CCDC63: variants seen among roughly 807,000 people sequenced by gnomAD.
CCDC63 encodes the protein coiled-coil domain containing 63.
CCDC63 carries 54 observed loss-of-function variants against 63.6 expected under a neutral mutation model. That is an observed-to-expected ratio of 0.85 (90% CI 0.68 to 1.07). The LOEUF is 1.07. Among genes scored for constraint, CCDC63 ranks in the 50% least tolerant of loss-of-function variants. The probability of loss-of-function intolerance (pLI) is 0.00; values close to 1 mark genes in which losing one functional copy is unlikely to be tolerated. For synonymous variants in CCDC63, 253 were observed against 266.1 expected (o/e 0.95, Z 0.48); for missense variants, 637 against 689.6 (o/e 0.92, Z 0.86).
chr12:110,868,853 A>C (rs958757594), intron 4 of CCDC63, among the ~76,000 whole-genome samples: 2 of 151,686 alleles, frequency 1.3e-5, no homozygotes, highest in Non-Finnish European at 2.9e-5. Flanking sequence ...ATTTTTTCTT[A>C]ACTGATAACA....
At chr12:110,885,870 T>A (rs2071272611) in intron 8 of CCDC63, among the ~76,000 whole-genome samples, 2 of 152,220 alleles carry the variant, frequency 1.3e-5, no homozygotes, top group African/African-American at 4.8e-5. Flanking sequence ...TTACTAGTGA[T>A]GAATTAATTT....
At chr12:110,854,746 A>G (rs1045027197) in intron 3 of CCDC63, among the ~76,000 whole-genome samples, 2 of 152,240 alleles carry the variant, frequency 1.3e-5, no homozygotes, top group African/African-American at 2.4e-5. Context: ...ATTGTTAGAA[A>G]GGAAATCTTA....
intron 8 of CCDC63, among the ~76,000 whole-genome samples, chr12:110,886,184 C>T (rs567466026): frequency 1.7e-4 from 26 of 152,144 alleles, no homozygotes; most frequent in African/African-American, 5.5e-4. Context: ...CTCAGGAGTT[C>T]GAGACCAGCC....
chr12:110,868,538 C>T (rs908811844), intron 4 of CCDC63, among the ~76,000 whole-genome samples: 169 of 150,932 alleles, frequency 1.1e-3, no homozygotes, highest in African/African-American at 3.7e-3. Context: ...GAGACCGGCC[C>T]GGCCAACACA....
In CCDC63 at chr12:110,879,973, G is replaced by A. The variant is rs771937207; in HGVS notation, c.557G>A (p.Arg186Gln). The A allele has an allele frequency of 8.7e-6, 14 of 1,614,060 alleles. No homozygotes were observed. Among genetic ancestry groups the A allele is most frequent in the Middle Eastern group, 1.6e-4 (1 of 6,084 alleles). Residue 186 changes from arginine to glutamine, a missense_variant, in exon 6 of 12, where the codon CGA becomes CAA. Transcript: ENST00000308208. Reference protein sequence around the residue: ...AKLRKEIEDLRFEKAAYDNVY... With the variant: ...AKLRKEIEDLQFEKAAYDNVY... The stretch of plus-strand genomic sequence containing the variant: ...CTCCGGAAGGAGATTGAAGACCTAC[G>A]ATTTGAGAAGGCTGCTTATGACAAT...
intron 5 of CCDC63, 84 bp from the exon 6 acceptor site, chr12:110,879,822 C>T (rs1566128576): frequency 1.5e-6 from 2 of 1,367,232 alleles, no homozygotes; most frequent in Admixed American, 3.6e-5. Flanking sequence ...GGGGCAAAGA[C>T]CTGACAGCCT....
At chr12:110,880,713 G>GGCA in intron 6 of CCDC63, among the ~76,000 whole-genome samples, 1 of 48,394 alleles carries the variant, frequency 2.1e-5, no homozygotes, top group Non-Finnish European at 4.5e-5. Context: ...ATATGGTGAT[G>GGCA]GTGATGATGG....
At position 110,852,846 on chromosome 12, in the gene CCDC63, C is replaced by T; in HGVS notation, c.-96-13C>T. 6.4e-7 allele frequency: 1 copy of T among 1,574,166 alleles called. No homozygotes were observed. The highest frequency in any genetic ancestry group is 8.7e-7 in the Non-Finnish European group (1 of 1,144,490). ...TGGCTTACAAGTTCTCTTCCTTTTG[C>T]CACCATGAACAGGGCATTGCAGAGA... On this transcript the variant is annotated splice_polypyrimidine_tract_variant and intron_variant, in intron 1 of 11. Coordinates refer to ENST00000308208, the MANE Select transcript of CCDC63 (RefSeq NM_152591.3).
chr12:110,873,962 G>A lies in CCDC63; in HGVS notation c.489+1G>A, dbSNP rs372717046. The A allele has an allele frequency of 3.9e-5, 63 of 1,609,742 alleles. 1 individual carries two copies. The highest frequency in any genetic ancestry group is 8.1e-5 in the African/African-American group (6 of 74,046). ...CATTTTGGAAACCCGTTTGAATCTC[G>A]TATGTAAAGTGTTCTCTGCAGCTCT... is the stretch of plus-strand genomic sequence containing the variant. On this transcript the variant is annotated splice_donor_variant, in intron 5 of 11. Transcript: ENST00000308208. LOFTEE classifies it high-confidence loss of function.
intron 9 of CCDC63, among the ~76,000 whole-genome samples, chr12:110,895,813 T>C (rs2071409851): frequency 6.6e-6 from 1 of 152,234 alleles, no homozygotes. Flanking sequence ...GTTGTTGTTA[T>C]CATGTGAGCC....
chr12:110,851,950 C>T (rs927691131), intron 1 of CCDC63, among the ~76,000 whole-genome samples: 2 of 152,164 alleles, frequency 1.3e-5, no homozygotes, highest in Admixed American at 6.5e-5. Context: ...ATGATTGGCA[C>T]AACCAATGCT....
At chr12:110,844,713 G>A (rs1200127111), upstream of CCDC63, among the ~76,000 whole-genome samples, 2 of 152,204 alleles carry the variant, frequency 1.3e-5, no homozygotes, top group Non-Finnish European at 2.9e-5. Flanking sequence ...TACCTTGGAG[G>A]TGTGTGTAAA....
In CCDC63 at chr12:110,887,377, C is replaced by T. The variant is rs577294755; in HGVS notation, c.1074+3127C>T. Among the ~76,000 whole-genome samples, 3 of 152,108 alleles carry T rather than the reference C, an allele frequency of 2.0e-5. No individual in the cohort carries two copies. In the South Asian group the frequency reaches 6.2e-4, roughly 32 times the overall value. ...CTGAACTCAGGTGATCCGCCTGCCT[C>T]GGCCTCCCAAAGTGTTGGGATTACA... On this transcript the variant is annotated intron_variant, in intron 8 of 11. Transcript: ENST00000308208.
rs750885789 is a variant in CCDC63 at position 110,899,145 on chromosome 12, G to T, written c.1342+20G>T. ...ATTTTGGTGAGTCAAGCTGGGGCCC[G>T]TTGGAGTCTTAGGAAACATTTCCAG... On this transcript the variant is annotated intron_variant, in intron 10 of 11. Coordinates refer to ENST00000308208, the MANE Select transcript of CCDC63 (RefSeq NM_152591.3). 3 of 1,595,760 alleles carry T rather than the reference G, an allele frequency of 1.9e-6. No homozygotes were observed. Among genetic ancestry groups the T allele is most frequent in the Non-Finnish European group, 1.7e-6 (2 of 1,169,940 alleles).
In CCDC63 at chr12:110,889,108, A is replaced by G. The variant is rs2071325502; in HGVS notation, c.1075-3968A>G. Among the ~76,000 whole-genome samples the G allele has an allele frequency of 6.6e-6, 1 of 152,084 alleles. No homozygotes were observed. The highest frequency in any genetic ancestry group is 1.5e-5 in the Non-Finnish European group (1 of 68,008). On this transcript the variant is annotated intron_variant, in intron 8 of 11. Coordinates refer to ENST00000308208, the MANE Select transcript of CCDC63 (RefSeq NM_152591.3). The surrounding 1 kb of genome is among the most constrained non-coding windows in gnomAD (Gnocchi z 4.1). ...GCTGGTGTCAATGGTTGTGCTTTTC[A>G]AATGTAACATAGTTATTATCATATA... is the stretch of plus-strand genomic sequence containing the variant.
In CCDC63 at chr12:110,881,277, G is replaced by A; in HGVS notation, c.834G>A (p.Glu278=). 1 of 1,613,538 alleles carries A rather than the reference G, an allele frequency of 6.2e-7. No individual in the cohort carries two copies. The highest frequency in any genetic ancestry group is 8.5e-7 in the Non-Finnish European group (1 of 1,179,750). Residue 278 remains glutamate (E), a synonymous_variant, in exon 7 of 12, where the codon GAG becomes GAA. Coordinates refer to ENST00000308208, the MANE Select transcript of CCDC63 (RefSeq NM_152591.3). ...VKLNDRNEFE[E]QAKREEALKA... Reference sequence around the variant, plus strand: ...TGAATGATCGCAATGAATTCGAGGAGCAGGCCAAAAGGGAGGAAGGTACAC... The same window carrying A: ...TGAATGATCGCAATGAATTCGAGGAACAGGCCAAAAGGGAGGAAGGTACAC...
At chr12:110,852,261 C>G (rs964632127) in intron 1 of CCDC63, among the ~76,000 whole-genome samples, 1 of 152,040 alleles carries the variant, frequency 6.6e-6, no homozygotes, top group Admixed American at 6.6e-5. Context: ...TGCCCCGATG[C>G]CTTTTTTTTT....
In CCDC63 at chr12:110,893,108, A is replaced by G. The variant is rs780656789; in HGVS notation, c.1107A>G (p.Lys369=). ...DEIILLRSQQ[K]LSHDDNHSVL... ...TCATCCTCTTGCGATCCCAGCAGAA[A>G]TTGTCCCACGATGACAACCACTCTG... is the stretch of plus-strand genomic sequence containing the variant. Residue 369 remains lysine, a synonymous_variant, in exon 9 of 12, where the codon AAA becomes AAG. Transcript: ENST00000308208. 1.1e-5 allele frequency: 18 copies of G among 1,614,042 alleles called. No individual in the cohort carries two copies. The East Asian group carries it at 3.6e-4, about 32-fold the overall frequency.
At chr12:110,882,128 G>C (rs530489336) in intron 7 of CCDC63, among the ~76,000 whole-genome samples, 1 of 152,288 alleles carries the variant, frequency 6.6e-6, no homozygotes, top group Non-Finnish European at 1.5e-5. Flanking sequence ...GTGGTCCGGC[G>C]TCTGGAGGAA....
Sources: gnomAD v4.1 joint callset for allele counts (sites outside exome capture counted in the v4.1 genomes callset) on GRCh38, gnomAD v4.1.1 for gene constraint, Gnocchi (gnomAD v3.1) non-coding constraint, MANE v1.5 for transcripts, NCBI Gene and HGNC (gene_info 2026-07-23, HGNC 2026-07-21) for gene names.